The following ADGRE3 variants were observed in gnomAD, a reference collection of about 807,000 sequenced individuals.
ADGRE3 encodes adhesion G protein-coupled receptor E3.
ADGRE3 carries 88 observed loss-of-function variants against 80.1 expected under a neutral mutation model. That is an observed-to-expected ratio of 1.10 (90% CI 0.93 to 1.31). ADGRE3 has a LOEUF of 1.31. Among genes scored for constraint, ADGRE3 ranks in the 40% most tolerant of loss-of-function variants. ADGRE3 has a pLI of 0.00. For missense variants in ADGRE3, 715 were observed against 776.5 expected, an observed-to-expected ratio of 0.92 and a Z score of 0.94; for synonymous variants, 281 against 294.8, an observed-to-expected ratio of 0.95 and a Z score of 0.48.
intron 9 of ADGRE3, 60 bp from the exon 10 acceptor site, chr19:14,641,676 C>T (rs1702215911): frequency 5.7e-6 from 9 of 1,581,312 alleles, no homozygotes; most frequent in African/African-American, 1.3e-5. Flanking sequence ...ATGGCTCCCT[C>T]CTTGAACTGG....
chr19:14,632,717 T>C (rs1346241952), intron 13 of ADGRE3, among the ~76,000 whole-genome samples: 1 of 36,542 alleles, frequency 2.7e-5, no homozygotes, highest in African/African-American at 1.1e-4. Context: ...TATTTTATTC[T>C]TTTTTTTTTT....
intron 3 of ADGRE3, 112 bp downstream of exon 3, chr19:14,663,306 G>A (rs1337917853): frequency 7.4e-6 from 4 of 543,900 alleles, no homozygotes; most frequent in East Asian, 6.8e-5. Flanking sequence ...TCCAGCTTGC[G>A]GTGAGCTTTG....
chr19:14,608,628 A>ATT, the ADGRE3 span, among the ~76,000 whole-genome samples: 566 of 119,644 alleles, frequency 4.7e-3, 5 homozygotes, highest in African/African-American at 6.7e-3. Flanking sequence ...ATGAGGAAGA[A>ATT]TTTTTTTTTT....
rs1568481259 is a variant in ADGRE3 at position 14,636,100 on chromosome 19, T to TTCTTTC, written c.1484+1999_1484+2004dup. 2.3e-4 allele frequency among the ~76,000 whole-genome samples: 11 copies of TTCTTTC among 48,276 alleles called. 1 individual carries two copies. The highest frequency in any genetic ancestry group is 7.3e-4 in the African/African-American group (11 of 15,168). The allele number at this position is 48,276 out of a possible 152,430, so 31.7% of individuals were successfully genotyped here. Reference sequence around the variant, plus strand: ...CCTTTCCCTTTCTTTCTTTCTTTCTTTCTTTCTTTCTTTCTTTCTTTCTTT... The same window carrying TTCTTTC: ...CCTTTCCCTTTCTTTCTTTCTTTCTTTCTTTCTCTTTCTTTCTTTCTTTCTTTCTTT... On this transcript the variant is annotated intron_variant, in intron 11 of 15. Transcript: ENST00000253673.
At chr19:14,652,284 A>G (rs1971628743) in intron 6 of ADGRE3, among the ~76,000 whole-genome samples, 1 of 152,154 alleles carries the variant, frequency 6.6e-6, no homozygotes, top group Non-Finnish European at 1.5e-5. Flanking sequence ...TTCTTTATCA[A>G]TTACACCTTA....
chr19:14,609,865 C>T, the ADGRE3 span, among the ~76,000 whole-genome samples: 2 of 151,086 alleles, frequency 1.3e-5, no homozygotes, highest in South Asian at 2.1e-4. Context: ...AAACAAAAAA[C>T]CCCCCAAAAC....
At chr19:14,663,663 AC>A in intron 2 of ADGRE3, 123 bp from the exon 3 acceptor site, 1 of 1,199,044 alleles carries the variant, frequency 8.3e-7, no homozygotes, top group South Asian at 1.7e-5. Context: ...ACATACTGAA[AC>A]CCCATTTCTA....
At chr19:14,658,754 A>ATTTTTATTTTGTT (rs1971849282) in intron 4 of ADGRE3, among the ~76,000 whole-genome samples, 1 of 151,990 alleles carries the variant, frequency 6.6e-6, no homozygotes, top group Non-Finnish European at 1.5e-5. Flanking sequence ...TTTTATTTTG[A>ATTTTTATTTTGTT]GACAGAGTCT....
intron 13 of ADGRE3, 88 bp downstream of exon 13, chr19:14,632,833 C>A: frequency 1.2e-6 from 1 of 820,262 alleles, no homozygotes; most frequent in South Asian, 1.5e-5. Context: ...GTCCTGGGAG[C>A]ATGGCTGTTG....
At chr19:14,607,557 A>G in the ADGRE3 span, among the ~76,000 whole-genome samples, 2 of 139,606 alleles carry the variant, frequency 1.4e-5, no homozygotes, top group Non-Finnish European at 3.1e-5. Context: ...TTTATTATTT[A>G]TTTATTTATT....
chr19:14,633,231 C>A lies in ADGRE3; in HGVS notation c.1551+5G>T. ...AGTTTGGGAACATCGAAGGCACATA[C>A]TCACAGAGAAAATGGCACAGACTGG... On this transcript the variant is annotated splice_donor_5th_base_variant and intron_variant, in intron 12 of 15. Coordinates refer to ENST00000253673, the MANE Select transcript of ADGRE3 (RefSeq NM_032571.5). 6.2e-7 allele frequency: 1 copy of A among 1,611,654 alleles called. No homozygotes were observed. Among genetic ancestry groups the A allele is most frequent in the African/African-American group, 1.3e-5 (1 of 74,996 alleles).
At chr19:14,648,383 A>G (rs914518170) in intron 7 of ADGRE3, among the ~76,000 whole-genome samples, 3 of 152,136 alleles carry the variant, frequency 2.0e-5, no homozygotes, top group Non-Finnish European at 2.9e-5. Flanking sequence ...CCCCCGGAGC[A>G]ACCCTCCACC....
chr19:14,632,932 G>A lies in ADGRE3; in HGVS notation c.1632C>T (p.Ile544=). Residue 544 remains isoleucine (I), a synonymous_variant, in exon 13 of 16, where the codon ATC becomes ATT. Transcript: ENST00000253673. ...LSSLNSEVST[I]QNTRMLAFKA... is the part of the protein sequence containing the mutation. ...TTGTCACATCCTACCTTGTGTTCTG[G>A]ATGGTTGACACTTCACTATTGAGGG... The A allele has an allele frequency of 1.2e-6, 2 of 1,609,260 alleles. No homozygotes were observed. The highest frequency in any genetic ancestry group is 2.2e-5 in the South Asian group (2 of 90,978).
chr19:14,652,519 C>A (rs1412182489), intron 6 of ADGRE3, among the ~76,000 whole-genome samples: 1 of 151,680 alleles, frequency 6.6e-6, no homozygotes, highest in Admixed American at 6.6e-5. Flanking sequence ...GTGGCTCATG[C>A]CTGAATTCCC....
the ADGRE3 span, among the ~76,000 whole-genome samples, chr19:14,608,725 C>CCGGCGAACAT: frequency 6.6e-6 from 1 of 150,900 alleles, no homozygotes; most frequent in East Asian, 1.9e-4. Context: ...CCTCTGCCTC[C>CCGGCGAACAT]CAGGCTCAAG....
At chr19:14,605,757 G>A in the ADGRE3 span, among the ~76,000 whole-genome samples, 103 of 151,826 alleles carry the variant, frequency 6.8e-4, 1 homozygote, top group African/African-American at 2.3e-3. Context: ...ACTTTTTTCC[G>A]GGACAGAGGC....
intron 13 of ADGRE3, among the ~76,000 whole-genome samples, chr19:14,632,185 T>C (rs577995350): frequency 2.0e-5 from 3 of 152,326 alleles, no homozygotes; most frequent in Admixed American, 6.5e-5. Flanking sequence ...TATAGCTAGA[T>C]TGATCTCTAT....
intron 4 of ADGRE3, among the ~76,000 whole-genome samples, chr19:14,660,500 T>C (rs1971915955): frequency 6.6e-6 from 1 of 151,988 alleles, no homozygotes; most frequent in South Asian, 2.1e-4. Context: ...TGGTGGCTCA[T>C]ACCTATAATC....
At chr19:14,605,506 C>T in the ADGRE3 span, among the ~76,000 whole-genome samples, 1 of 152,160 alleles carries the variant, frequency 6.6e-6, no homozygotes, top group Non-Finnish European at 1.5e-5. Flanking sequence ...TGAACTTTGA[C>T]AAATGCGTAC....
Sources: gnomAD v4.1 joint callset for allele counts (sites outside exome capture counted in the v4.1 genomes callset) on GRCh38, gnomAD v4.1.1 for gene constraint, MANE v1.5 for transcripts, NCBI Gene and HGNC (gene_info 2026-07-23, HGNC 2026-07-21) for gene names.